Variants in ITSN1 observed in about 807,000 individuals in gnomAD.
ITSN1 encodes intersectin-1.
Under a neutral mutation model 239.8 loss-of-function variants are expected in ITSN1, and 58 were observed. The observed-to-expected ratio is 0.24, with a 90% CI of 0.20 to 0.30. The LOEUF is 0.30. Ranked by LOEUF, ITSN1 falls within the 10% of genes least tolerant of loss-of-function variation. The pLI, the probability that ITSN1 is intolerant of heterozygous loss-of-function variation, is 1.00. For missense variants in ITSN1, 1,558 were observed against 2,103.3 expected, an observed-to-expected ratio of 0.74 and a Z score of 5.07; for synonymous variants, 780 against 770.8, an observed-to-expected ratio of 1.01 and a Z score of -0.20.
chr21:33,840,296 T>C (rs368507576), intron 29 of ITSN1, among the ~76,000 whole-genome samples: 39 of 152,260 alleles, frequency 2.6e-4, no homozygotes, highest in African/African-American at 7.7e-4. Context: ...ATACTAGGTA[T>C]CTCCTATGGC....
At chr21:33,874,666 T>TTTTG (rs1356795176) in intron 33 of ITSN1, among the ~76,000 whole-genome samples, 2 of 150,812 alleles carry the variant, frequency 1.3e-5, no homozygotes, top group Non-Finnish European at 1.5e-5. Context: ...TTTTTTTTTT[T>TTTTG]TGAGACGGAG....
intron 34 of ITSN1, among the ~76,000 whole-genome samples, chr21:33,881,189 C>T (rs1391448218): frequency 6.6e-6 from 1 of 152,016 alleles, no homozygotes; most frequent in African/African-American, 2.4e-5. Flanking sequence ...AGGTGGATCA[C>T]GAGGTCAGGA....
rs114432976 is a variant in ITSN1, at chr21:33,688,973, C to T, written c.-32-29824C>T. ...GAGTCACTGGAATTACAAGCACGCC[C>T]GGCTAATTTTGGTATTTTTAGTAGA... On this transcript the variant is annotated intron_variant, in intron 1 of 39. Transcript: ENST00000381318. 8.1e-3 allele frequency among the ~76,000 whole-genome samples: 1,237 copies of T among 152,030 alleles called. 15 individuals are homozygous for T. Among genetic ancestry groups the T allele is most frequent in the African/African-American group, 0.028 (1,177 of 41,470 alleles).
At chr21:33,867,111 T>A in intron 32 of ITSN1, 122 bp from the exon 33 acceptor site, 1 of 649,382 alleles carries the variant, frequency 1.5e-6, no homozygotes, top group East Asian at 2.6e-5. Flanking sequence ...ACCCCAGGTC[T>A]CTCAGTTGTC....
Position 33,836,425 on chromosome 21 carries a change from G to A in ITSN1, c.3470-16G>A. ...CGGCGGGTGTGCAGCCGCTCACCCAGCCCTGTCTCCTGCAGTGTGCCAGGT... is the reference window on the plus strand; with the variant it reads ...CGGCGGGTGTGCAGCCGCTCACCCAACCCTGTCTCCTGCAGTGTGCCAGGT... On this transcript the variant is annotated splice_polypyrimidine_tract_variant and intron_variant, in intron 28 of 39. Coordinates refer to ENST00000381318, the MANE Select transcript of ITSN1 (RefSeq NM_003024.3). 1 of 1,579,808 alleles carries A rather than the reference G, an allele frequency of 6.3e-7. No homozygotes were observed. The highest frequency in any genetic ancestry group is 8.6e-7 in the Non-Finnish European group (1 of 1,158,862).
intron 27 of ITSN1, among the ~76,000 whole-genome samples, chr21:33,833,329 C>T (rs1361965384): frequency 1.3e-5 from 2 of 152,016 alleles, no homozygotes; most frequent in South Asian, 2.1e-4. Context: ...CATGGGCCTA[C>T]GGGTTTGTGA....
At chr21:33,715,104 A>G (rs1051683432) in intron 1 of ITSN1, among the ~76,000 whole-genome samples, 1 of 152,166 alleles carries the variant, frequency 6.6e-6, no homozygotes, top group African/African-American at 2.4e-5. Flanking sequence ...AAATACAACA[A>G]CAAACCAACC....
chr21:33,843,322 T>A (rs2074887433), intron 29 of ITSN1, among the ~76,000 whole-genome samples: 1 of 152,174 alleles, frequency 6.6e-6, no homozygotes, highest in African/African-American at 2.4e-5. Flanking sequence ...CTCATGTGAT[T>A]TCCTCACTGG....
intron 33 of ITSN1, among the ~76,000 whole-genome samples, chr21:33,869,660 G>A (rs139859960): frequency 1.3e-5 from 2 of 152,352 alleles, no homozygotes; most frequent in East Asian, 3.9e-4. Context: ...GATGTCCTCT[G>A]AGCCTATGTT....
rs1184996217 is a variant in ITSN1 at position 33,663,956 on chromosome 21, G to C, written c.-33+21243G>C. ...ATTTAAAAGATTTTGTAGACAGTGG[G>C]GGTTGGAACTTGAAAGTGACCCATC... is the stretch of plus-strand genomic sequence containing the variant. On this transcript the variant is annotated intron_variant, in intron 1 of 39. Coordinates refer to ENST00000381318, the MANE Select transcript of ITSN1 (RefSeq NM_003024.3). Among the ~76,000 whole-genome samples, 7 of 152,084 alleles carry C rather than the reference G, an allele frequency of 4.6e-5. No individual in the cohort carries two copies. In the South Asian group the frequency reaches 1.0e-3, roughly 22 times the overall value.
At chr21:33,867,388 G>A in intron 33 of ITSN1, 57 bp downstream of exon 33, 1 of 959,352 alleles carries the variant, frequency 1.0e-6, no homozygotes. Context: ...ATTGGAGAGG[G>A]CTGGGGTCAT....
chr21:33,850,550 C>A (rs2075128015), intron 29 of ITSN1, among the ~76,000 whole-genome samples: 3 of 152,180 alleles, frequency 2.0e-5, no homozygotes, highest in Admixed American at 2.0e-4. Flanking sequence ...CCTGGGACTC[C>A]CAGGTCTAGC....
chr21:33,661,705 T>TG (rs2089569835), intron 1 of ITSN1, among the ~76,000 whole-genome samples: 1 of 152,154 alleles, frequency 6.6e-6, no homozygotes, highest in African/African-American at 2.4e-5. Context: ...AACTGAATCA[T>TG]GGGGGCAGTT....
chr21:33,765,786 T>C (rs1022417095), intron 9 of ITSN1, 89 bp from the exon 10 acceptor site: 37 of 1,407,206 alleles, frequency 2.6e-5, no homozygotes, highest in Middle Eastern at 1.8e-4. Context: ...CTGTGGTCAA[T>C]AAGAAAACAT....
At position 33,781,547 on chromosome 21, in the gene ITSN1, C is replaced by T. The variant is rs1452605501; in HGVS notation, c.1683C>T (p.His561=). 1.3e-6 allele frequency: 2 copies of T among 1,492,284 alleles called. No individual in the cohort carries two copies. The highest frequency in any genetic ancestry group is 2.2e-5 in the Admixed American group (1 of 46,258). The allele number at this position is 1,492,284 out of a possible 1,614,324, so 92.4% of individuals were successfully genotyped here. A position where few individuals can be genotyped will look rare whatever the true frequency, so the allele number is the denominator to read the frequency against. The change falls in exon 15 of 40, where the codon CAC becomes CAT. Residue 561 remains histidine, a splice_region_variant and synonymous_variant. Transcript: ENST00000381318. ...QLKQVQQNSL[H]RDSLVTLKRA... The stretch of plus-strand genomic sequence containing the variant: ...AACAAGTTCAGCAGAACAGTTTGCA[C>T]AGTAGGTGTTTTATTTTTAAAGTTG...
At chr21:33,878,483 C>CAT (rs2148545022) in intron 34 of ITSN1, among the ~76,000 whole-genome samples, 1 of 152,338 alleles carries the variant, frequency 6.6e-6, no homozygotes, top group East Asian at 1.9e-4. Context: ...TATGCACACA[C>CAT]ATACACCATT....
intron 5 of ITSN1, 128 bp downstream of exon 5, chr21:33,735,332 GC>G: frequency 1.1e-6 from 1 of 927,974 alleles, no homozygotes. Flanking sequence ...AAAAATGATG[GC>G]CCCCTGCAGG....
chr21:33,729,632 C>T (rs1263139249), intron 4 of ITSN1, among the ~76,000 whole-genome samples: 1 of 152,030 alleles, frequency 6.6e-6, no homozygotes, highest in Non-Finnish European at 1.5e-5. Context: ...TTGATGGCTT[C>T]AGTATTTAAA....
intron 3 of ITSN1, among the ~76,000 whole-genome samples, chr21:33,721,554 G>T (rs2065481027): frequency 6.6e-6 from 1 of 152,056 alleles, no homozygotes; most frequent in African/African-American, 2.4e-5. Context: ...CCAGCACTCT[G>T]GGAGGCCGAG....
Sources: allele counts gnomAD v4.1 joint callset (sites outside exome capture counted in the v4.1 genomes callset), GRCh38; gene constraint gnomAD v4.1.1; transcripts MANE v1.5; gene names NCBI Gene and HGNC (gene_info 2026-07-23, HGNC 2026-07-21).